The following FHDC1 variants were observed in gnomAD, a reference collection of about 807,000 sequenced individuals.
FHDC1 encodes FH2 domain-containing protein 1.
A neutral mutation model predicts 52.6 loss-of-function variants in FHDC1; 25 were observed. That is an observed-to-expected ratio of 0.48 (90% CI 0.35 to 0.66). FHDC1 has a LOEUF of 0.66. Ranked by LOEUF, FHDC1 falls within the 30% of genes least tolerant of loss-of-function variation. FHDC1 has a pLI of 0.01. For synonymous variants in FHDC1, 616 were observed against 581.5 expected, an observed-to-expected ratio of 1.06 and a Z score of -0.85; for missense variants, 1,459 against 1,452.8, an observed-to-expected ratio of 1.00 and a Z score of -0.07.
chr4:152,970,335 T>G (rs1740604799), intron 10 of FHDC1, among the ~76,000 whole-genome samples: 1 of 152,250 alleles, frequency 6.6e-6, no homozygotes, highest in Non-Finnish European at 1.5e-5. Context: ...GCTTTGCCAG[T>G]GTAGCTTTGA....
At chr4:152,927,751 G>T in the FHDC1 span, 1 of 1,422,062 alleles carries the variant, frequency 7.0e-7, no homozygotes, top group Non-Finnish European at 9.9e-7. Flanking sequence ...TAATAGAAAA[G>T]CAACAAAGAG....
intron 6 of FHDC1, among the ~76,000 whole-genome samples, chr4:152,962,367 T>G (rs1245398854): frequency 1.3e-5 from 2 of 152,202 alleles, no homozygotes; most frequent in Non-Finnish European, 2.9e-5. Flanking sequence ...CATAACTCAT[T>G]GACTAAGCAA....
chr4:152,949,670 T>C (rs1045250838), intron 2 of FHDC1, among the ~76,000 whole-genome samples: 1 of 151,996 alleles, frequency 6.6e-6, no homozygotes, highest in Admixed American at 6.6e-5. Flanking sequence ...TTAGCAAGAG[T>C]GATGGTGTAG....
chr4:152,940,540 T>G (rs1219472208), intron 1 of FHDC1, among the ~76,000 whole-genome samples: 1 of 152,224 alleles, frequency 6.6e-6, no homozygotes, highest in Non-Finnish European at 1.5e-5. Context: ...TTGCATAACC[T>G]TGGAGTATAT....
chr4:152,975,444 G>C lies in FHDC1; in HGVS notation c.2153G>C (p.Ser718Thr). 1 of 1,613,452 alleles carries C rather than the reference G, an allele frequency of 6.2e-7. No individual in the cohort carries two copies. Among genetic ancestry groups the C allele is most frequent in the Non-Finnish European group, 8.5e-7 (1 of 1,180,014 alleles). Residue 718 changes from serine (S) to threonine (T), a missense_variant, in exon 12 of 12, where the codon AGT (serine) becomes ACT (threonine). Physicochemically the swap from Ser to Thr is moderately conservative, Grantham distance 58 (BLOSUM62 1). Coordinates refer to ENST00000511601, the MANE Select transcript of FHDC1 (RefSeq NM_001371116.1). ...GGGCATAGGGGCCCGCAGTCCCTCA[G>C]TGCCAGCAGCAGCAGCCTGACACCC... ...SVGHRGPQSL[S>T]ASSSSLTPMG... is the part of the protein sequence containing the mutation.
chr4:152,934,907 GTC>G (rs1283082286), upstream of FHDC1, among the ~76,000 whole-genome samples: 1 of 152,138 alleles, frequency 6.6e-6, no homozygotes, highest in Admixed American at 6.5e-5. Flanking sequence ...ATTTAACAAG[GTC>G]GACAGTAAGA....
At chr4:152,935,395 C>A (rs545213035), upstream of FHDC1, among the ~76,000 whole-genome samples, 210 of 152,112 alleles carry the variant, frequency 1.4e-3, 5 homozygotes, top group South Asian at 0.042. Flanking sequence ...TTCGGTCAGC[C>A]GGTTTGCCCG....
intron 2 of FHDC1, among the ~76,000 whole-genome samples, chr4:152,944,144 T>C (rs988108919): frequency 1.3e-5 from 2 of 152,086 alleles, no homozygotes; most frequent in Non-Finnish European, 2.9e-5. Context: ...TTCAGAGAGA[T>C]TGTGTAGGAA....
chr4:152,963,243 G>GT, intron 8 of FHDC1, 113 bp downstream of exon 8: 1 of 862,152 alleles, frequency 1.2e-6, no homozygotes. Context: ...GGCATGGCAA[G>GT]TTCCAAGATG....
chr4:152,941,504 A>G (rs1036983546), intron 1 of FHDC1, among the ~76,000 whole-genome samples: 38 of 152,222 alleles, frequency 2.5e-4, no homozygotes, highest in African/African-American at 8.4e-4. Context: ...ATACAAACCA[A>G]TGGAACAAGT....
chr4:152,978,195 G>C lies in FHDC1; in HGVS notation c.*1472G>C, dbSNP rs775516583. 1 of 152,176 alleles carries C rather than the reference G, an allele frequency of 6.6e-6. No individual in the cohort carries two copies. The highest frequency in any genetic ancestry group is 1.5e-5 in the Non-Finnish European group (1 of 68,048). 9.4% of individuals were successfully genotyped at this position (152,176 alleles called of 1,614,324 possible). A position where few individuals can be genotyped will look rare whatever the true frequency, so the allele number is the denominator to read the frequency against. The stretch of plus-strand genomic sequence containing the variant: ...TTTCCAATCCCATGTTCCTCCATTC[G>C]TGTGTCTGTTATAAAACTGAGTGAA... On this transcript the variant is annotated 3_prime_UTR_variant, in exon 12 of 12. Transcript: ENST00000511601.
At chr4:152,953,694 G>T in intron 3 of FHDC1, 134 bp downstream of exon 3, 1 of 740,980 alleles carries the variant, frequency 1.3e-6, no homozygotes, top group South Asian at 1.7e-5. Flanking sequence ...TGATGAGCCT[G>T]CAAGTGACTG....
At chr4:152,974,080 GAGCATC>G (rs1740759206) in intron 11 of FHDC1, among the ~76,000 whole-genome samples, 1 of 152,212 alleles carries the variant, frequency 6.6e-6, no homozygotes, top group Admixed American at 6.5e-5. Flanking sequence ...GAGCTGAACA[GAGCATC>G]TCTTAATATT....
chr4:152,959,942 C>CATCGGTA (rs1554041054), intron 4 of FHDC1, among the ~76,000 whole-genome samples: 1 of 38,592 alleles, frequency 2.6e-5, no homozygotes, highest in Non-Finnish European at 4.5e-5. Flanking sequence ...GCAATCTTAA[C>CATCGGTA]GTCCCGTTGT....
the FHDC1 span, among the ~76,000 whole-genome samples, chr4:152,914,514 G>A: frequency 6.6e-6 from 1 of 152,158 alleles, no homozygotes; most frequent in Non-Finnish European, 1.5e-5. Flanking sequence ...TGATTAGTAT[G>A]CTATCAGAAC....
At chr4:152,937,422 G>C (rs1739418027) in intron 1 of FHDC1, among the ~76,000 whole-genome samples, 2 of 152,202 alleles carry the variant, frequency 1.3e-5, no homozygotes, top group Admixed American at 1.3e-4. Context: ...AGAGGGGCTG[G>C]CGCCCTGGGG....
At chr4:152,942,442 T>G (rs1466803205) in intron 1 of FHDC1, among the ~76,000 whole-genome samples, 1 of 152,192 alleles carries the variant, frequency 6.6e-6, no homozygotes, top group African/African-American at 2.4e-5. Flanking sequence ...CATCTCCAAA[T>G]GCCCTGTCTT....
At chr4:152,912,202 A>C in the FHDC1 span, 42 of 152,324 alleles carry the variant, frequency 2.8e-4, no homozygotes, top group African/African-American at 9.9e-4. Flanking sequence ...GCACATGACC[A>C]AAAGAAAAAA....
chr4:152,978,589 G>A lies in FHDC1; in HGVS notation c.*1866G>A, dbSNP rs980724816. The A allele has an allele frequency of 2.0e-5, 3 of 152,036 alleles. No individual in the cohort carries two copies. The highest frequency in any genetic ancestry group is 2.9e-5 in the Non-Finnish European group (2 of 68,016). The allele number at this position is 152,036 out of a possible 1,614,324, so 9.4% of individuals were successfully genotyped here. ...TTTTTCTACCCAATGCCCATTTCAC[G>A]ACTCCTCTGAGACTAATTGGGAAAC... On this transcript the variant is annotated 3_prime_UTR_variant, in exon 12 of 12. Transcript: ENST00000511601.
Sources: allele counts gnomAD v4.1 joint callset (sites outside exome capture counted in the v4.1 genomes callset), GRCh38; gene constraint gnomAD v4.1.1; transcripts MANE v1.5; gene names NCBI Gene and HGNC (gene_info 2026-07-23, HGNC 2026-07-21).